Variants in COG5 observed in about 807,000 individuals in gnomAD.
COG5 encodes the protein component of oligomeric golgi complex 5.
A neutral mutation model predicts 110.4 loss-of-function variants in COG5; 86 were observed. The ratio of observed to expected loss-of-function variants is 0.78; its 90% CI spans 0.65 to 0.93. COG5 has a LOEUF of 0.93. COG5 is among the 40% of genes least tolerant of loss of function. The pLI, the probability that COG5 is intolerant of heterozygous loss-of-function variation, is 0.00. For synonymous variants in COG5, 360 were observed against 334.6 expected (o/e 1.08, Z -0.83); for missense variants, 1,077 against 987.0 (o/e 1.09, Z -1.22).
intron 6 of COG5, among the ~76,000 whole-genome samples, chr7:107,423,460 T>G (rs190300773): frequency 1.2e-4 from 19 of 152,276 alleles, no homozygotes; most frequent in African/African-American, 4.3e-4. Flanking sequence ...TTTAAAACAT[T>G]CTGAATAAGA....
chr7:107,522,419 GATTGCGCC>G (rs945488251), intron 6 of COG5, among the ~76,000 whole-genome samples: 42 of 152,300 alleles, frequency 2.8e-4, no homozygotes, highest in African/African-American at 9.9e-4. Flanking sequence ...GGTGAGCGGA[GATTGCGCC>G]ATTGCACTCC....
chr7:107,556,223 T>C (rs1803306325), intron 2 of COG5, among the ~76,000 whole-genome samples: 1 of 152,170 alleles, frequency 6.6e-6, no homozygotes, highest in Non-Finnish European at 1.5e-5. Flanking sequence ...TGGTAGTTCC[T>C]TCAACTCCGT....
intron 6 of COG5, among the ~76,000 whole-genome samples, chr7:107,506,664 G>T (rs932679795): frequency 6.6e-6 from 1 of 152,130 alleles, no homozygotes; most frequent in Non-Finnish European, 1.5e-5. Flanking sequence ...GCAGCATCCA[G>T]CTAAGTTCTA....
intron 16 of COG5, among the ~76,000 whole-genome samples, chr7:107,250,762 G>A (rs528146101): frequency 2.0e-5 from 3 of 152,034 alleles, no homozygotes; most frequent in Admixed American, 6.5e-5. Context: ...GATAGGCTTC[G>A]TAGAAGAATT....
rs1416698251 is a variant in COG5, at chr7:107,548,193, A to T, written c.348-13T>A. 4.3e-6 allele frequency: 7 copies of T among 1,611,292 alleles called. No homozygotes were observed. Among genetic ancestry groups the T allele is most frequent in the African/African-American group, 1.3e-5 (1 of 74,890 alleles). On this transcript the variant is annotated splice_polypyrimidine_tract_variant and intron_variant, in intron 4 of 21. Transcript: ENST00000297135. ...TTTTGCTTTTATCCTACAGGAAAAG[A>T]GAGGAGTGAGAATAAAATCATTTTC... is the stretch of plus-strand genomic sequence containing the variant.
chr7:107,527,046 T>G (rs1057395612), intron 6 of COG5, among the ~76,000 whole-genome samples, 191 bp downstream of exon 6: 1 of 152,164 alleles, frequency 6.6e-6, no homozygotes, highest in South Asian at 2.1e-4. Flanking sequence ...TTAAAATAAA[T>G]AGCATTTCAG....
intron 6 of COG5, among the ~76,000 whole-genome samples, chr7:107,449,857 T>A (rs1387819784): frequency 6.6e-6 from 1 of 152,168 alleles, no homozygotes; most frequent in Admixed American, 6.5e-5. Context: ...TATCTCATAT[T>A]GAAAATGTAG....
chr7:107,473,359 ACTT>A (rs1199584758), intron 6 of COG5, among the ~76,000 whole-genome samples: 1 of 151,888 alleles, frequency 6.6e-6, no homozygotes, highest in African/African-American at 2.4e-5. Context: ...ATAATGTCCC[ACTT>A]CTTCTAATTT....
At chr7:107,481,098 A>G (rs1265862240) in intron 6 of COG5, among the ~76,000 whole-genome samples, 3 of 152,140 alleles carry the variant, frequency 2.0e-5, no homozygotes, top group Non-Finnish European at 4.4e-5. Context: ...ACTCCCTGCC[A>G]CTATCAAACC....
At chr7:107,414,556 C>CA (rs937692283) in intron 6 of COG5, among the ~76,000 whole-genome samples, 39 of 152,056 alleles carry the variant, frequency 2.6e-4, no homozygotes, top group African/African-American at 9.4e-4. Flanking sequence ...GTCAATAGTA[C>CA]ACATGGCTAC....
Position 107,548,436 on chromosome 7 carries a change from T to C in COG5, c.293-104A>G, listed in dbSNP as rs1802634461. The C allele has an allele frequency of 4.5e-6, 5 of 1,102,120 alleles. No homozygotes were observed. In the East Asian group the frequency reaches 1.2e-4, roughly 26 times the overall value. 68.3% of individuals were successfully genotyped at this position (1,102,120 alleles called of 1,614,324 possible). A position where few individuals can be genotyped will look rare whatever the true frequency, so the allele number is the denominator to read the frequency against. ...TACATGCATATATAATTTTAACTTTTTTTGTCACCATCCTAATCCAAGCAA... is the reference window on the plus strand; with the variant it reads ...TACATGCATATATAATTTTAACTTTCTTTGTCACCATCCTAATCCAAGCAA... On this transcript the variant is annotated intron_variant, in intron 3 of 21. Coordinates refer to ENST00000297135, the MANE Select transcript of COG5 (RefSeq NM_006348.5).
At chr7:107,516,427 C>T (rs539620247) in intron 6 of COG5, among the ~76,000 whole-genome samples, 5 of 152,280 alleles carry the variant, frequency 3.3e-5, no homozygotes, top group East Asian at 1.9e-4. Flanking sequence ...TTTTTATTCT[C>T]GTAACAGTAT....
At chr7:107,562,321 T>G (rs1020847648) in intron 1 of COG5, among the ~76,000 whole-genome samples, 2 of 152,246 alleles carry the variant, frequency 1.3e-5, no homozygotes, top group Admixed American at 6.5e-5. Context: ...TACATCCTAC[T>G]GAAACATATA....
chr7:107,258,064 T>C (rs1803016126), intron 15 of COG5, among the ~76,000 whole-genome samples: 1 of 152,140 alleles, frequency 6.6e-6, no homozygotes, highest in Non-Finnish European at 1.5e-5. Flanking sequence ...TCATGTGTTT[T>C]AAACTGAATG....
intron 10 of COG5, among the ~76,000 whole-genome samples, 191 bp from the exon 11 acceptor site, chr7:107,324,712 A>G (rs1809614362): frequency 6.6e-6 from 1 of 152,230 alleles, no homozygotes; most frequent in Non-Finnish European, 1.5e-5. Context: ...CTTATGTTCA[A>G]GTAGTCAGTC....
chr7:107,385,670 G>A (rs1032856212), intron 7 of COG5, among the ~76,000 whole-genome samples: 2 of 152,146 alleles, frequency 1.3e-5, no homozygotes, highest in African/African-American at 4.8e-5. Context: ...GATTCATAAA[G>A]ACACAAAGTA....
chr7:107,560,094 C>T (rs1803657438), intron 1 of COG5, among the ~76,000 whole-genome samples: 1 of 152,192 alleles, frequency 6.6e-6, no homozygotes, highest in African/African-American at 2.4e-5. Flanking sequence ...GAAGTTGCCT[C>T]TTATTGGCTC....
At chr7:107,219,751 A>G (rs1799774802) in intron 19 of COG5, among the ~76,000 whole-genome samples, 1 of 152,186 alleles carries the variant, frequency 6.6e-6, no homozygotes, top group African/African-American at 2.4e-5. Flanking sequence ...ATGGTTTTTG[A>G]AATCTATTGC....
chr7:107,329,420 A>G (rs978983494), intron 10 of COG5, among the ~76,000 whole-genome samples: 3 of 152,164 alleles, frequency 2.0e-5, no homozygotes, highest in Non-Finnish European at 4.4e-5. Context: ...ATGATTTTCT[A>G]TATCTATATA....
Sources: gnomAD v4.1 joint callset for allele counts (sites outside exome capture counted in the v4.1 genomes callset) on GRCh38, gnomAD v4.1.1 for gene constraint, MANE v1.5 for transcripts, NCBI Gene and HGNC (gene_info 2026-07-23, HGNC 2026-07-21) for gene names.